Variants in MACROD2 observed in about 807,000 individuals in gnomAD.
MACROD2 encodes ADP-ribose glycohydrolase MACROD2.
In MACROD2, 36 loss-of-function variants were observed where a neutral mutation model predicts 70.4. That is an observed-to-expected ratio of 0.51 (90% CI 0.39 to 0.68). The LOEUF (loss-of-function observed/expected upper bound fraction) is 0.68. Ranked by LOEUF, MACROD2 falls within the 30% of genes least tolerant of loss-of-function variation. The pLI, the probability that MACROD2 is intolerant of heterozygous loss-of-function variation, is 0.00. For synonymous variants in MACROD2, 172 were observed against 178.8 expected (o/e 0.96, Z 0.30); for missense variants, 496 against 538.4 (o/e 0.92, Z 0.78).
chr20:15,207,230 T>TG (rs974827982), intron 5 of MACROD2, among the ~76,000 whole-genome samples: 43 of 152,262 alleles, frequency 2.8e-4, no homozygotes, highest in African/African-American at 1.0e-3. Context: ...TAGCCATTCT[T>TG]GTAGGGTAGG....
At chr20:15,809,537 G>A (rs1042014646) in intron 8 of MACROD2, among the ~76,000 whole-genome samples, 2 of 152,174 alleles carry the variant, frequency 1.3e-5, no homozygotes, top group African/African-American at 2.4e-5. Context: ...AAAAGGAGAA[G>A]CTAGAGCTAG....
At chr20:14,932,468 T>A (rs911336145) in intron 5 of MACROD2, among the ~76,000 whole-genome samples, 19 of 152,192 alleles carry the variant, frequency 1.2e-4, no homozygotes, top group Non-Finnish European at 2.4e-4. Context: ...GTTATCCATC[T>A]TTCTTCTTTG....
intron 6 of MACROD2, among the ~76,000 whole-genome samples, chr20:15,325,455 A>G (rs986675372): frequency 9.9e-5 from 15 of 152,130 alleles, no homozygotes; most frequent in African/African-American, 3.6e-4. Context: ...GCCTTCTCAT[A>G]TGCCATTGTT....
At chr20:14,035,021 A>G (rs533570536) in intron 2 of MACROD2, among the ~76,000 whole-genome samples, 2 of 152,172 alleles carry the variant, frequency 1.3e-5, no homozygotes, top group African/African-American at 4.8e-5. Flanking sequence ...CATGAATATG[A>G]TCATTTTTAC....
At chr20:14,188,199 C>T (rs931614812) in intron 3 of MACROD2, among the ~76,000 whole-genome samples, 3 of 152,102 alleles carry the variant, frequency 2.0e-5, no homozygotes, top group Non-Finnish European at 4.4e-5. Context: ...AATTTCTGAT[C>T]CCCATCTATG....
At chr20:15,030,732 G>A (rs977378746) in intron 5 of MACROD2, among the ~76,000 whole-genome samples, 3 of 152,100 alleles carry the variant, frequency 2.0e-5, no homozygotes. Flanking sequence ...AAATTCAGAT[G>A]CACCTGTCAA....
chr20:14,833,420 GAC>G (rs1210909126), intron 5 of MACROD2, among the ~76,000 whole-genome samples: 1 of 152,056 alleles, frequency 6.6e-6, no homozygotes, highest in East Asian at 1.9e-4. Flanking sequence ...AGGCTGAGAG[GAC>G]ACACAGGAGG....
chr20:14,547,257 C>A, intron 4 of MACROD2: 1 of 574,416 alleles, frequency 1.7e-6, no homozygotes. Context: ...TGAAGGATCT[C>A]ATCAACCAGT....
intron 6 of MACROD2, among the ~76,000 whole-genome samples, chr20:15,331,438 ATTTT>A (rs553053258): frequency 6.6e-6 from 1 of 151,484 alleles, no homozygotes; most frequent in African/African-American, 2.4e-5. Flanking sequence ...ATGCACATCA[ATTTT>A]TTTTCTAGAA....
intron 2 of MACROD2, among the ~76,000 whole-genome samples, chr20:14,074,915 A>G (rs2053898019): frequency 6.6e-6 from 1 of 152,222 alleles, no homozygotes; most frequent in African/African-American, 2.4e-5. Context: ...TATCTACTCC[A>G]TCCTTCCTGG....
intron 10 of MACROD2, among the ~76,000 whole-genome samples, chr20:15,907,146 AAGG>A (rs1488615587): frequency 6.6e-6 from 1 of 152,180 alleles, no homozygotes; most frequent in Non-Finnish European, 1.5e-5. Context: ...CCAATTCTTC[AAGG>A]AGGTTTGGTT....
intron 5 of MACROD2, among the ~76,000 whole-genome samples, chr20:14,851,156 C>T (rs2073195309): frequency 6.6e-6 from 1 of 151,526 alleles, no homozygotes; most frequent in Admixed American, 6.6e-5. Flanking sequence ...AATCACTTAC[C>T]TTTTATGAAT....
At chr20:14,933,924 C>CTCAT (rs2074318124) in intron 5 of MACROD2, 1 of 152,148 alleles carries the variant, frequency 6.6e-6, no homozygotes, top group Admixed American at 6.6e-5. Context: ...TAGGTGATAA[C>CTCAT]TCATTCAATC....
intron 10 of MACROD2, among the ~76,000 whole-genome samples, chr20:15,911,543 T>G (rs2065237545): frequency 6.6e-6 from 1 of 151,042 alleles, no homozygotes; most frequent in Non-Finnish European, 1.5e-5. Context: ...ACTGGAGGTG[T>G]GGAGAGAAGC....
intron 15 of MACROD2, among the ~76,000 whole-genome samples, chr20:16,035,570 T>C (rs1016294452): frequency 2.0e-4 from 30 of 152,184 alleles, no homozygotes; most frequent in Admixed American, 1.8e-3. Context: ...CAAGATTTCA[T>C]AGCTATAATT....
At chr20:16,007,222 A>G (rs2066801258) in intron 15 of MACROD2, among the ~76,000 whole-genome samples, 1 of 152,252 alleles carries the variant, frequency 6.6e-6, no homozygotes. Flanking sequence ...CATTTTATAA[A>G]TGTTTGTTTT....
At chr20:15,303,293 G>T (rs890025461) in intron 6 of MACROD2, among the ~76,000 whole-genome samples, 20 of 151,994 alleles carry the variant, frequency 1.3e-4, no homozygotes, top group Non-Finnish European at 2.5e-4. Context: ...TACCTTGCTG[G>T]ACCCCACAGA....
intron 6 of MACROD2, among the ~76,000 whole-genome samples, chr20:15,424,398 C>A (rs1431750726): frequency 6.6e-6 from 1 of 152,082 alleles, no homozygotes; most frequent in African/African-American, 2.4e-5. Context: ...ATGGCACAAC[C>A]CACTATGCTG....
At chr20:14,573,642 G>C (rs1420395301) in intron 4 of MACROD2, among the ~76,000 whole-genome samples, 1 of 151,776 alleles carries the variant, frequency 6.6e-6, no homozygotes, top group African/African-American at 2.4e-5. Context: ...CTTCTAGGAT[G>C]ATAGAATCCT....
Sources: gnomAD v4.1 joint callset for allele counts (sites outside exome capture counted in the v4.1 genomes callset) on GRCh38, gnomAD v4.1.1 for gene constraint, MANE v1.5 for transcripts, NCBI Gene and HGNC (gene_info 2026-07-23, HGNC 2026-07-21) for gene names.